The following ADAMTSL3 variants were observed in gnomAD, a reference collection of about 807,000 sequenced individuals.
ADAMTSL3 encodes the protein ADAMTS-like protein 3.
In ADAMTSL3, 128 loss-of-function variants were observed where a neutral mutation model predicts 201.7. The ratio of observed to expected loss-of-function variants is 0.63; its 90% CI spans 0.55 to 0.73. ADAMTSL3 has a LOEUF of 0.73. ADAMTSL3 is among the 30% of genes least tolerant of loss of function. The pLI, the probability that ADAMTSL3 is intolerant of heterozygous loss-of-function variation, is 0.00. For synonymous variants in ADAMTSL3, 738 were observed against 748.4 expected, an observed-to-expected ratio of 0.99 and a Z score of 0.23; for missense variants, 1,990 against 2,119.6, an observed-to-expected ratio of 0.94 and a Z score of 1.20.
intron 15 of ADAMTSL3, among the ~76,000 whole-genome samples, chr15:83,901,842 A>G (rs1360379373): frequency 6.6e-6 from 1 of 152,136 alleles, no homozygotes; most frequent in Non-Finnish European, 1.5e-5. Context: ...CACTTGAGAG[A>G]GAGAGTGTGT....
At chr15:83,723,042 G>A (rs952907332) in intron 3 of ADAMTSL3, among the ~76,000 whole-genome samples, 1 of 152,066 alleles carries the variant, frequency 6.6e-6, no homozygotes, top group Non-Finnish European at 1.5e-5. Flanking sequence ...CAAATGAGAA[G>A]TTAAAGTAAG....
intron 6 of ADAMTSL3, among the ~76,000 whole-genome samples, chr15:83,831,993 A>G (rs926972627): frequency 6.6e-6 from 1 of 152,144 alleles, no homozygotes; most frequent in Non-Finnish European, 1.5e-5. Flanking sequence ...TCTTCAAAGG[A>G]GTTGATAACA....
At chr15:83,790,207 A>C (rs1176224286) in intron 4 of ADAMTSL3, among the ~76,000 whole-genome samples, 3 of 148,448 alleles carry the variant, frequency 2.0e-5, no homozygotes, top group Non-Finnish European at 4.4e-5. Flanking sequence ...AAAACAGAAG[A>C]GAAGGAATAC....
chr15:83,951,794 G>A (rs956803780), intron 19 of ADAMTSL3, among the ~76,000 whole-genome samples: 1 of 151,994 alleles, frequency 6.6e-6, no homozygotes, highest in African/African-American at 2.4e-5. Context: ...CTAATTTATT[G>A]ATATGTAATT....
chr15:83,704,495 G>A lies in ADAMTSL3; in HGVS notation c.176G>A (p.Arg59His), dbSNP rs77028575. Residue 59 changes from arginine to histidine, a missense_variant, in exon 3 of 30, where the codon CGC (arginine) becomes CAC (histidine). Coordinates refer to ENST00000286744, the MANE Select transcript of ADAMTSL3 (RefSeq NM_207517.3). ...ACAGGGGAGCAGTTCCTCACTTATC[G>A]CTATGATGACCAGGTAAGAACATTG... ...DTTGEQFLTY[R>H]YDDQTSRNTR... The A allele has an allele frequency of 6.4e-4, 1,040 of 1,614,134 alleles. 7 individuals carry two copies. In the East Asian group the frequency reaches 0.022, roughly 34 times the overall value.
chr15:83,740,613 T>C (rs1372874056), intron 3 of ADAMTSL3, among the ~76,000 whole-genome samples: 2 of 151,766 alleles, frequency 1.3e-5, no homozygotes, highest in Non-Finnish European at 2.9e-5. Flanking sequence ...CAAACGGACA[T>C]AAAGATAAGA....
At chr15:83,823,939 T>TCAGACTCCATTTC (rs2063946791) in intron 6 of ADAMTSL3, among the ~76,000 whole-genome samples, 1 of 114,330 alleles carries the variant, frequency 8.7e-6, no homozygotes, top group East Asian at 2.7e-4. Context: ...TTCTTCTTCT[T>TCAGACTCCATTTC]CTTCTTCTTC....
chr15:83,688,961 A>T (rs1196114626), intron 2 of ADAMTSL3, among the ~76,000 whole-genome samples: 1 of 151,954 alleles, frequency 6.6e-6, no homozygotes, highest in Non-Finnish European at 1.5e-5. Flanking sequence ...GGTGTGTGCC[A>T]CCACAGCAGG....
intron 16 of ADAMTSL3, among the ~76,000 whole-genome samples, chr15:83,917,105 C>T (rs1438851407): frequency 6.6e-6 from 1 of 152,144 alleles, no homozygotes; most frequent in Non-Finnish European, 1.5e-5. Flanking sequence ...TGACTGACAA[C>T]CACAATAAAA....
At chr15:83,779,072 A>AAT (rs749452245) in intron 4 of ADAMTSL3, among the ~76,000 whole-genome samples, 1 of 150,354 alleles carries the variant, frequency 6.7e-6, no homozygotes, top group Non-Finnish European at 1.5e-5. Flanking sequence ...AACTATCCTA[A>AAT]ATATATATGC....
chr15:83,870,376 T>C (rs2065059128), intron 8 of ADAMTSL3, among the ~76,000 whole-genome samples: 1 of 152,224 alleles, frequency 6.6e-6, no homozygotes. Context: ...TGAAATTATT[T>C]CAAAATCAAA....
At chr15:83,763,467 A>C (rs991153166) in intron 3 of ADAMTSL3, among the ~76,000 whole-genome samples, 27 of 146,460 alleles carry the variant, frequency 1.8e-4, no homozygotes, top group African/African-American at 5.9e-4. Context: ...CTATATTTTT[A>C]TGTGAAATCT....
chr15:83,703,077 T>C (rs902618394), intron 2 of ADAMTSL3, among the ~76,000 whole-genome samples: 69 of 152,302 alleles, frequency 4.5e-4, no homozygotes, highest in African/African-American at 1.7e-3. Context: ...GGAGATCATT[T>C]TGGAGCTTTA....
chr15:83,903,970 A>AGGGAGGG (rs1567226231), intron 15 of ADAMTSL3, among the ~76,000 whole-genome samples: 2 of 116,600 alleles, frequency 1.7e-5, no homozygotes, highest in African/African-American at 3.5e-5. Flanking sequence ...GAAAGAAAGA[A>AGGGAGGG]AAGGAGCTAC....
chr15:83,696,658 G>A (rs1187556736), intron 2 of ADAMTSL3, among the ~76,000 whole-genome samples: 1 of 152,208 alleles, frequency 6.6e-6, no homozygotes, highest in Non-Finnish European at 1.5e-5. Context: ...ATGACGACAT[G>A]TCAAATGAGG....
At chr15:83,968,692 A>G (rs749040811) in intron 19 of ADAMTSL3, among the ~76,000 whole-genome samples, 6 of 152,222 alleles carry the variant, frequency 3.9e-5, no homozygotes, top group African/African-American at 4.8e-5. Context: ...AAATCATTCT[A>G]CTATGACACA....
At chr15:83,788,835 G>C (rs898901645) in intron 4 of ADAMTSL3, among the ~76,000 whole-genome samples, 3 of 151,944 alleles carry the variant, frequency 2.0e-5, no homozygotes, top group African/African-American at 7.3e-5. Context: ...TTGAGACAGA[G>C]TCTTGCTCTT....
At chr15:84,007,640 C>G (rs1371452561) in intron 23 of ADAMTSL3, among the ~76,000 whole-genome samples, 2 of 151,656 alleles carry the variant, frequency 1.3e-5, no homozygotes, top group Non-Finnish European at 1.5e-5. Context: ...TGAGGGAAGA[C>G]CATGTATGTT....
In ADAMTSL3 at chr15:84,025,448, A is replaced by C; in HGVS notation, c.4656+12A>C. ...AACCAGGGAACCGGGTAAAGCTAAC[A>C]CATCTAGTTTGTGGACAGCACTATC... On this transcript the variant is annotated intron_variant, in intron 27 of 29. Coordinates refer to ENST00000286744, the MANE Select transcript of ADAMTSL3 (RefSeq NM_207517.3). 6.2e-7 allele frequency: 1 copy of C among 1,612,188 alleles called. No individual in the cohort carries two copies. The highest frequency in any genetic ancestry group is 8.5e-7 in the Non-Finnish European group (1 of 1,179,020).
Sources: allele counts gnomAD v4.1 joint callset (sites outside exome capture counted in the v4.1 genomes callset), GRCh38; gene constraint gnomAD v4.1.1; transcripts MANE v1.5; gene names NCBI Gene and HGNC (gene_info 2026-07-23, HGNC 2026-07-21).